Variants in STK32C observed in about 807,000 individuals in gnomAD.
STK32C encodes the protein serine/threonine-protein kinase 32C.
In STK32C, 31 loss-of-function variants were observed where a neutral mutation model predicts 56.5. The ratio of observed to expected loss-of-function variants is 0.55; its 90% CI spans 0.41 to 0.74. STK32C has a LOEUF of 0.74. Among genes scored for constraint, STK32C ranks in the 30% least tolerant of loss-of-function variants. The pLI, the probability that STK32C is intolerant of heterozygous loss-of-function variation, is 0.00. For synonymous variants in STK32C, 309 were observed against 289.4 expected (o/e 1.07, Z -0.69); for missense variants, 544 against 676.9 (o/e 0.80, Z 2.18).
intron 1 of STK32C, among the ~76,000 whole-genome samples, chr10:132,292,446 CCA>C (rs2065596527): frequency 6.6e-6 from 1 of 152,364 alleles, no homozygotes; most frequent in Admixed American, 6.5e-5. Context: ...ACGGATTCAT[CCA>C]CACACTCATA....
chr10:132,282,040 G>C (rs1054841914), intron 1 of STK32C, among the ~76,000 whole-genome samples: 1 of 152,244 alleles, frequency 6.6e-6, no homozygotes, highest in Non-Finnish European at 1.5e-5. Context: ...CCGGCCTGGA[G>C]GCAGAGCCGC....
intron 11 of STK32C, among the ~76,000 whole-genome samples, chr10:132,208,403 G>A (rs1258214660): frequency 2.6e-5 from 4 of 152,232 alleles, no homozygotes; most frequent in African/African-American, 9.6e-5. Flanking sequence ...TGACTGTGCA[G>A]GTGCCATAGG....
At chr10:132,295,270 C>T (rs1414002307) in intron 1 of STK32C, among the ~76,000 whole-genome samples, 2 of 152,178 alleles carry the variant, frequency 1.3e-5, no homozygotes, top group African/African-American at 2.4e-5. Flanking sequence ...ATCCTCCTAA[C>T]AAAGAAACCA....
chr10:132,212,273 C>T (rs897620743), intron 10 of STK32C, among the ~76,000 whole-genome samples: 4 of 152,212 alleles, frequency 2.6e-5, no homozygotes, highest in Non-Finnish European at 2.9e-5. Context: ...TGGGATAAAA[C>T]GGCAAGTCAA....
At position 132,224,328 on chromosome 10, in the gene STK32C, G is replaced by A. The variant is rs1412727154; in HGVS notation, c.993+79C>T. ...AAGCGGCACTAACTGTGCACTGGAGGGGGTGTCCCGAGCCGCAGGTAAGTG... is the reference window on the plus strand; with the variant it reads ...AAGCGGCACTAACTGTGCACTGGAGAGGGTGTCCCGAGCCGCAGGTAAGTG... On this transcript the variant is annotated intron_variant, in intron 8 of 11. Coordinates refer to ENST00000298630, the MANE Select transcript of STK32C (RefSeq NM_173575.4). 6.8e-6 allele frequency: 7 copies of A among 1,034,070 alleles called. No homozygotes were observed. In the African/African-American group the frequency reaches 9.5e-5, roughly 14 times the overall value. 64.1% of individuals were successfully genotyped at this position (1,034,070 alleles called of 1,614,324 possible).
At chr10:132,223,267 G>T (rs1395068794) in intron 8 of STK32C, among the ~76,000 whole-genome samples, 1 of 152,232 alleles carries the variant, frequency 6.6e-6, no homozygotes, top group African/African-American at 2.4e-5. Context: ...GGAAGGCTCT[G>T]CTGGGATTTG....
At chr10:132,213,298 G>C (rs905736244) in intron 10 of STK32C, among the ~76,000 whole-genome samples, 6 of 152,238 alleles carry the variant, frequency 3.9e-5, no homozygotes, top group African/African-American at 1.4e-4. Flanking sequence ...CCCCAAGACT[G>C]AGATTTGGTC....
chr10:132,227,952 T>C (rs938972778), intron 3 of STK32C, 25 bp downstream of exon 3: 8 of 1,610,538 alleles, frequency 5.0e-6, no homozygotes, highest in Non-Finnish European at 6.8e-6. Flanking sequence ...TAAGTCTTTC[T>C]GCAGCGAGGC....
chr10:132,235,493 TTAAA>T (rs1489938223), intron 2 of STK32C, among the ~76,000 whole-genome samples: 790 of 72,420 alleles, frequency 0.011, 29 homozygotes, highest in Non-Finnish European at 0.016. Context: ...AGACTCAGCC[TTAAA>T]AAAAAAAAAA....
chr10:132,285,075 A>G (rs1235644865), intron 1 of STK32C, among the ~76,000 whole-genome samples: 3 of 140,872 alleles, frequency 2.1e-5, no homozygotes, highest in African/African-American at 8.2e-5. Flanking sequence ...CGTCTGCCCA[A>G]AGACCAGGCA....
intron 8 of STK32C, among the ~76,000 whole-genome samples, chr10:132,224,182 ACCTGGTAGGGCT>A (rs1233526280): frequency 1.3e-5 from 2 of 152,104 alleles, no homozygotes; most frequent in Non-Finnish European, 2.9e-5. Flanking sequence ...GACACCAGTG[ACCTGGTAGGGCT>A]CGCCATGAGA....
chr10:132,226,920 T>G lies in STK32C; in HGVS notation c.519A>C (p.Leu173=), dbSNP rs148226238. The change falls in exon 4 of 12, where the codon CTA becomes CTC. Residue 173 remains leucine (L), a synonymous_variant. Coordinates refer to ENST00000298630, the MANE Select transcript of STK32C (RefSeq NM_173575.4). ...EEDMFMVVDL[L]LGGDLRYHLQ... ...GGTGGTAGCGCAGGTCCCCGCCCAG[T>G]AGCAGGTCCACGACCATGAACATGT... 1.6e-3 allele frequency: 2,578 copies of G among 1,613,394 alleles called. 37 individuals carry two copies. In the African/African-American group the frequency reaches 0.029, roughly 18 times the overall value.
chr10:132,232,224 A>G (rs1295038655), intron 2 of STK32C, among the ~76,000 whole-genome samples: 1 of 152,154 alleles, frequency 6.6e-6, no homozygotes, highest in African/African-American at 2.4e-5. Flanking sequence ...CCTTATCACT[A>G]GGACCCGCCC....
At chr10:132,228,348 G>A (rs2062972416) in intron 2 of STK32C, among the ~76,000 whole-genome samples, 1 of 152,158 alleles carries the variant, frequency 6.6e-6, no homozygotes, top group Non-Finnish European at 1.5e-5. Flanking sequence ...TGGGTGTTTT[G>A]GAGGCCGTGA....
At chr10:132,240,107 A>G (rs2063450109) in intron 2 of STK32C, among the ~76,000 whole-genome samples, 1 of 151,016 alleles carries the variant, frequency 6.6e-6, no homozygotes, top group African/African-American at 2.4e-5. Flanking sequence ...AAGCCCCCCC[A>G]GGGCAGAGCC....
chr10:132,311,899 GC>G (rs1233592210), upstream of STK32C, among the ~76,000 whole-genome samples: 3 of 152,146 alleles, frequency 2.0e-5, no homozygotes, highest in African/African-American at 4.8e-5. This position sits in a 1 kb window ranked among gnomAD's most constrained non-coding sequence, Gnocchi z 4.4. Flanking sequence ...TCCTTTGGTG[GC>G]AAAAGGCCAC....
At chr10:132,332,117 C>T, upstream of STK32C, 1 of 197,440 alleles carries the variant, frequency 5.1e-6, no homozygotes, top group Non-Finnish European at 1.0e-5. Flanking sequence ...ATCACAGACA[C>T]ACTCGCGCTC....
At chr10:132,245,654 C>T (rs1326893786) in intron 2 of STK32C, among the ~76,000 whole-genome samples, 1 of 152,242 alleles carries the variant, frequency 6.6e-6, no homozygotes, top group East Asian at 1.9e-4. Context: ...GCGATTTTGT[C>T]CTCCTGGTGG....
chr10:132,281,758 C>T (rs2065214834), intron 1 of STK32C, among the ~76,000 whole-genome samples: 1 of 152,254 alleles, frequency 6.6e-6, no homozygotes. Flanking sequence ...CCGGCACCTG[C>T]AGGCCCCTCT....
Sources: gnomAD v4.1 joint callset for allele counts (sites outside exome capture counted in the v4.1 genomes callset) on GRCh38, gnomAD v4.1.1 for gene constraint, Gnocchi (gnomAD v3.1) non-coding constraint, MANE v1.5 for transcripts, NCBI Gene and HGNC (gene_info 2026-07-23, HGNC 2026-07-21) for gene names.